HTR1F: variants seen among roughly 807,000 people sequenced by gnomAD.
The protein encoded by HTR1F is 5-hydroxytryptamine (serotonin) receptor 1F, G protein-coupled.
In HTR1F, 17 loss-of-function variants were observed where a neutral mutation model predicts 24.0. The observed-to-expected ratio is 0.71, with a 90% CI of 0.48 to 1.06. The LOEUF (loss-of-function observed/expected upper bound fraction) is 1.06. Among genes scored for constraint, HTR1F ranks in the 50% least tolerant of loss-of-function variants. HTR1F has a pLI of 0.00. For missense variants in HTR1F, 391 were observed against 427.8 expected, an observed-to-expected ratio of 0.91 and a Z score of 0.76; for synonymous variants, 186 against 156.8, an observed-to-expected ratio of 1.19 and a Z score of -1.39.
chr3:87,923,697 T>A (rs1704061290), intron 2 of HTR1F, among the ~76,000 whole-genome samples: 1 of 152,076 alleles, frequency 6.6e-6, no homozygotes, highest in South Asian at 2.1e-4. Flanking sequence ...TTAAGAGTTT[T>A]TATAATAAAA....
Position 87,922,063 on chromosome 3 carries a change from A to G in HTR1F, c.-42-68645A>G, listed in dbSNP as rs139904374. On this transcript the variant is annotated intron_variant, in intron 2 of 2. Transcript: ENST00000319595. ...TACCCAGTAGTGGGATTGCTGGATCATATGGTAGTTCTACTTTTAGTTTCT... is the reference window on the plus strand; with the variant it reads ...TACCCAGTAGTGGGATTGCTGGATCGTATGGTAGTTCTACTTTTAGTTTCT... Among the ~76,000 whole-genome samples the G allele has an allele frequency of 8.2e-3, 1,240 of 152,120 alleles. 8 individuals carry two copies. Among genetic ancestry groups the G allele is most frequent in the Non-Finnish European group, 0.012 (828 of 67,926 alleles).
chr3:87,945,974 C>CTAATT (rs1442109025), intron 2 of HTR1F, among the ~76,000 whole-genome samples: 15 of 152,086 alleles, frequency 9.9e-5, no homozygotes, highest in African/African-American at 3.4e-4. Context: ...GGGTTCTTGG[C>CTAATT]CTCACGGATT....
intron 2 of HTR1F, among the ~76,000 whole-genome samples, chr3:87,954,359 T>A (rs2107467553): frequency 6.6e-6 from 1 of 151,748 alleles, no homozygotes; most frequent in Admixed American, 6.6e-5. Context: ...GACTAGAAAC[T>A]CTAAGAAAAG....
chr3:87,881,216 C>T (rs1705789123), intron 2 of HTR1F, among the ~76,000 whole-genome samples: 1 of 151,052 alleles, frequency 6.6e-6, no homozygotes, highest in African/African-American at 2.4e-5. Context: ...AAAAACAGGA[C>T]ACTCACACCT....
chr3:87,795,669 G>A (rs1473150194), intron 1 of HTR1F, among the ~76,000 whole-genome samples: 1 of 152,092 alleles, frequency 6.6e-6, no homozygotes, highest in Non-Finnish European at 1.5e-5. Context: ...CCCTGTAAGT[G>A]GAAACCTTAC....
At chr3:87,850,458 T>A (rs1434466753) in intron 2 of HTR1F, among the ~76,000 whole-genome samples, 3 of 151,514 alleles carry the variant, frequency 2.0e-5, no homozygotes, top group Non-Finnish European at 4.4e-5. Flanking sequence ...GGGCCTGTTG[T>A]GGGGTGGGGG....
chr3:87,921,401 G>A (rs774027806), intron 2 of HTR1F, among the ~76,000 whole-genome samples: 39 of 151,870 alleles, frequency 2.6e-4, no homozygotes, highest in Middle Eastern at 6.3e-3. Flanking sequence ...GCAAGTTCCA[G>A]AATGTCATGA....
chr3:87,970,400 G>A (rs891964887), intron 2 of HTR1F, among the ~76,000 whole-genome samples: 1 of 152,218 alleles, frequency 6.6e-6, no homozygotes, highest in Non-Finnish European at 1.5e-5. Context: ...AAGTGATGCT[G>A]TTGCTATTGA....
Position 87,943,520 on chromosome 3 carries a change from C to A in HTR1F, c.-42-47188C>A, listed in dbSNP as rs1289266201. ...GAATATTGGCACTCTTTGGTTACCCCTTTGTCTATCTCTTTTTGGACCATT... is the reference window on the plus strand; with the variant it reads ...GAATATTGGCACTCTTTGGTTACCCATTTGTCTATCTCTTTTTGGACCATT... On this transcript the variant is annotated intron_variant, in intron 2 of 2. Coordinates refer to ENST00000319595, the MANE Select transcript of HTR1F (RefSeq NM_001322209.2). Among the ~76,000 whole-genome samples the A allele has an allele frequency of 2.9e-5, 4 of 139,980 alleles. No homozygotes were observed. In the Admixed American group the frequency reaches 3.1e-4, roughly 11 times the overall value. The allele number at this position is 139,980 out of a possible 152,430, so 91.8% of individuals were successfully genotyped here.
In HTR1F at chr3:87,831,329, A is replaced by AAAT. The variant is rs1157510250; in HGVS notation, c.-43+9206_-43+9208dup. Among the ~76,000 whole-genome samples, 5 of 136,000 alleles carry AAAT rather than the reference A, an allele frequency of 3.7e-5. No homozygotes were observed. The East Asian group carries it at 6.3e-4, about 17-fold the overall frequency. 89.2% of individuals were successfully genotyped at this position (136,000 alleles called of 152,430 possible). On this transcript the variant is annotated intron_variant, in intron 2 of 2. Coordinates refer to ENST00000319595, the MANE Select transcript of HTR1F (RefSeq NM_001322209.2). ...TCTTTGTACTTTAAAAGATATTAAG[A>AAAT]AATTATTATTATTATTATTATTATT...
chr3:87,900,585 T>C (rs554847568), intron 2 of HTR1F, among the ~76,000 whole-genome samples: 1 of 152,140 alleles, frequency 6.6e-6, no homozygotes, highest in Non-Finnish European at 1.5e-5. Context: ...GAGCAGAATA[T>C]AACATAAGCC....
At chr3:87,908,935 T>C (rs1242351783) in intron 2 of HTR1F, among the ~76,000 whole-genome samples, 1 of 152,074 alleles carries the variant, frequency 6.6e-6, no homozygotes, top group Admixed American at 6.6e-5. Flanking sequence ...GATAAAAACA[T>C]ATTTGTGCAT....
At chr3:87,977,216 A>C (rs1263174659) in intron 2 of HTR1F, among the ~76,000 whole-genome samples, 1 of 152,108 alleles carries the variant, frequency 6.6e-6, no homozygotes, top group African/African-American at 2.4e-5. Context: ...TTTCATAACT[A>C]TTATCAACAT....
intron 2 of HTR1F, among the ~76,000 whole-genome samples, chr3:87,877,329 T>C (rs1705692422): frequency 6.6e-6 from 1 of 152,112 alleles, no homozygotes; most frequent in South Asian, 2.1e-4. Context: ...TGTCTGATCA[T>C]AGGAGACAAT....
chr3:87,962,035 C>A (rs1468862831), intron 2 of HTR1F, among the ~76,000 whole-genome samples: 1 of 152,020 alleles, frequency 6.6e-6, no homozygotes, highest in Non-Finnish European at 1.5e-5. Context: ...CTAAACCAGG[C>A]AACCTCAATG....
At chr3:87,909,417 A>G (rs950760373) in intron 2 of HTR1F, among the ~76,000 whole-genome samples, 2 of 151,934 alleles carry the variant, frequency 1.3e-5, no homozygotes, top group African/African-American at 4.8e-5. Context: ...AAAAAAGTCA[A>G]CTCGTTACGT....
intron 2 of HTR1F, among the ~76,000 whole-genome samples, chr3:87,881,137 T>G (rs566481873): frequency 6.6e-6 from 1 of 152,288 alleles, no homozygotes; most frequent in South Asian, 2.1e-4. Context: ...TTGCCTCACC[T>G]GGGAAGTGCA....
intron 2 of HTR1F, among the ~76,000 whole-genome samples, chr3:87,959,728 A>G (rs1313271017): frequency 1.3e-5 from 2 of 150,768 alleles, no homozygotes; most frequent in Admixed American, 1.3e-4. Flanking sequence ...TAGTGTAATA[A>G]TTAAATCTAC....
At chr3:87,921,122 G>A (rs1704004560) in intron 2 of HTR1F, among the ~76,000 whole-genome samples, 1 of 151,890 alleles carries the variant, frequency 6.6e-6, no homozygotes, top group South Asian at 2.1e-4. Flanking sequence ...ACAAATAAAT[G>A]TCTATTGCTA....
Sources: allele counts gnomAD v4.1 joint callset (sites outside exome capture counted in the v4.1 genomes callset), GRCh38; gene constraint gnomAD v4.1.1; transcripts MANE v1.5; gene names NCBI Gene and HGNC (gene_info 2026-07-23, HGNC 2026-07-21).